Variants in ADGRL2 observed in about 807,000 individuals in gnomAD.
ADGRL2 encodes calcium-independent alpha-latrotoxin receptor 2.
ADGRL2 carries 44 observed loss-of-function variants against 157.4 expected under a neutral mutation model. The observed-to-expected ratio is 0.28, with a 90% confidence interval of 0.22 to 0.36. The LOEUF is 0.36. Among genes scored for constraint, ADGRL2 ranks in the 10% least tolerant of loss-of-function variants. The probability of loss-of-function intolerance (pLI) is 1.00; values close to 1 mark genes in which losing one functional copy is unlikely to be tolerated. For missense variants in ADGRL2, 1,510 were observed against 1,768.9 expected, an observed-to-expected ratio of 0.85 and a Z score of 2.63; for synonymous variants, 585 against 624.7, an observed-to-expected ratio of 0.94 and a Z score of 0.95.
intron 2 of ADGRL2, among the ~76,000 whole-genome samples, chr1:81,551,347 G>A (rs551667955): frequency 1.6e-4 from 24 of 152,226 alleles, no homozygotes; most frequent in African/African-American, 5.8e-4. Context: ...AGCTTTTGTC[G>A]AGTGTCACCT....
intron 6 of ADGRL2, among the ~76,000 whole-genome samples, chr1:81,948,354 C>T (rs986213786): frequency 6.6e-6 from 1 of 151,638 alleles, no homozygotes; most frequent in East Asian, 1.9e-4. Flanking sequence ...TACCTTGACT[C>T]GGTTATTATG....
chr1:81,591,821 G>A (rs2081139398), intron 3 of ADGRL2, among the ~76,000 whole-genome samples: 1 of 152,156 alleles, frequency 6.6e-6, no homozygotes, highest in Admixed American at 6.6e-5. Context: ...TTGACAAGGA[G>A]CTGAATCCTG....
At chr1:81,984,499 G>C in intron 19 of ADGRL2, 84 bp from the exon 20 acceptor site, 1 of 1,289,768 alleles carries the variant, frequency 7.8e-7, no homozygotes, top group South Asian at 2.3e-5. Flanking sequence ...AATTCTTTTC[G>C]GTTGTCTTCA....
intron 3 of ADGRL2, among the ~76,000 whole-genome samples, chr1:81,608,830 A>G (rs1261493359): frequency 1.3e-5 from 2 of 151,374 alleles, no homozygotes; most frequent in African/African-American, 4.9e-5. Context: ...CTATTCCTTC[A>G]CCCTTCCTTC....
intron 1 of ADGRL2, among the ~76,000 whole-genome samples, chr1:81,822,233 A>C (rs112405457): frequency 1.5e-5 from 2 of 134,998 alleles, no homozygotes; most frequent in Non-Finnish European, 1.5e-5. Flanking sequence ...TTTTCTACAC[A>C]TGTTTCCCGC....
chr1:81,354,206 AC>A (rs1415334164), intron 1 of ADGRL2, among the ~76,000 whole-genome samples: 4 of 152,306 alleles, frequency 2.6e-5, no homozygotes, highest in African/African-American at 7.2e-5. Context: ...AAATAACCCT[AC>A]AAGAAAACTA....
chr1:81,365,225 G>A (rs1456021900), intron 1 of ADGRL2, among the ~76,000 whole-genome samples: 2 of 152,176 alleles, frequency 1.3e-5, no homozygotes, highest in Non-Finnish European at 2.9e-5. Context: ...AGGGAGGCTA[G>A]AAGTCAGGAA....
chr1:81,966,253 A>G, intron 12 of ADGRL2, 70 bp downstream of exon 12: 1 of 1,595,382 alleles, frequency 6.3e-7, no homozygotes, highest in South Asian at 1.1e-5. Context: ...TCTAAAATGT[A>G]TTTGAGTCCT....
At chr1:81,471,313 C>A (rs1175322089) in intron 2 of ADGRL2, among the ~76,000 whole-genome samples, 1 of 152,072 alleles carries the variant, frequency 6.6e-6, no homozygotes, top group Admixed American at 6.5e-5. Flanking sequence ...CTTGTCAATA[C>A]CTTAGCATTA....
chr1:81,651,130 G>GT (rs1031589132), intron 3 of ADGRL2, among the ~76,000 whole-genome samples: 8 of 152,212 alleles, frequency 5.3e-5, no homozygotes, highest in East Asian at 3.9e-4. Context: ...ATTTTGTAGT[G>GT]TTTTTTTAGC....
chr1:81,505,550 C>T lies in ADGRL2; in HGVS notation c.-248+60461C>T, dbSNP rs374441451. Reference sequence around the variant, plus strand: ...ACAACAGCAGGGTGTCACCCAGAGCCGGATGAGGGATGCCAGCAGGTGCCC... The same window carrying T: ...ACAACAGCAGGGTGTCACCCAGAGCTGGATGAGGGATGCCAGCAGGTGCCC... On this transcript the variant is annotated intron_variant, in intron 2 of 24. Transcript: ENST00000370721. Among the ~76,000 whole-genome samples, 1,379 of 150,512 alleles carry T rather than the reference C, an allele frequency of 9.2e-3. 31 individuals carry two copies. The highest frequency in any genetic ancestry group is 0.033 in the African/African-American group (1,313 of 40,248).
At chr1:81,911,471 A>ACT (rs1270061916) in intron 3 of ADGRL2, among the ~76,000 whole-genome samples, 5 of 152,156 alleles carry the variant, frequency 3.3e-5, no homozygotes, top group Non-Finnish European at 7.4e-5. Flanking sequence ...TTGGGTACAA[A>ACT]CTAGTAGGTG....
chr1:81,795,571 C>T (rs1056785866), upstream of ADGRL2, among the ~76,000 whole-genome samples: 1 of 152,210 alleles, frequency 6.6e-6, no homozygotes, highest in Non-Finnish European at 1.5e-5. Flanking sequence ...GTATATTTGA[C>T]TCACTTTCTA....
At chr1:81,555,265 CTTT>C (rs71666308) in intron 2 of ADGRL2, among the ~76,000 whole-genome samples, 1 of 115,936 alleles carries the variant, frequency 8.6e-6, no homozygotes, top group Non-Finnish European at 1.8e-5. Context: ...TATTTCTTTT[CTTT>C]TTTTTTTTTT....
At position 81,966,456 on chromosome 1, in the gene ADGRL2, T is replaced by C. The variant is rs758071359; in HGVS notation, c.2196T>C (p.Ser732=). 2.0e-5 allele frequency: 33 copies of C among 1,614,144 alleles called. No homozygotes were observed. In the South Asian group the frequency reaches 3.1e-4, roughly 15 times the overall value. Residue 732 remains serine, a synonymous_variant, in exon 13 of 24, where the codon AGT becomes AGC. Coordinates refer to ENST00000686636, the MANE Select transcript of ADGRL2 (RefSeq NM_001366006.2). ...IIYRSLGQFL[S]TENATIKLGA... is the part of the protein sequence containing the mutation. Reference sequence around the variant, plus strand: ...ACCGGAGCCTGGGACAGTTCCTTAGTACAGAAAATGCAACCATTAAACTGG... The same window carrying C: ...ACCGGAGCCTGGGACAGTTCCTTAGCACAGAAAATGCAACCATTAAACTGG...
intron 3 of ADGRL2, among the ~76,000 whole-genome samples, chr1:81,922,851 A>G (rs1282535541): frequency 6.6e-6 from 1 of 152,200 alleles, no homozygotes; most frequent in Non-Finnish European, 1.5e-5. Context: ...CCCCATCTCT[A>G]TAATAAATAA....
intron 3 of ADGRL2, among the ~76,000 whole-genome samples, chr1:81,594,575 T>C (rs1326960587): frequency 6.6e-6 from 1 of 152,246 alleles, no homozygotes; most frequent in Non-Finnish European, 1.5e-5. Flanking sequence ...TAAAAACATT[T>C]ATTCCATTCC....
chr1:81,676,064 C>T (rs531537425), intron 3 of ADGRL2, among the ~76,000 whole-genome samples: 3 of 152,148 alleles, frequency 2.0e-5, no homozygotes, highest in African/African-American at 2.4e-5. Flanking sequence ...TGCAATGGCA[C>T]GATCTCAGCT....
intron 3 of ADGRL2, among the ~76,000 whole-genome samples, chr1:81,604,947 T>C (rs1330395791): frequency 6.6e-6 from 1 of 152,272 alleles, no homozygotes; most frequent in Non-Finnish European, 1.5e-5. Context: ...TTTACCACCA[T>C]TGGTTTTTCT....
Sources: gnomAD v4.1 joint callset for allele counts (sites outside exome capture counted in the v4.1 genomes callset) on GRCh38, gnomAD v4.1.1 for gene constraint, MANE v1.5 for transcripts, NCBI Gene and HGNC (gene_info 2026-07-23, HGNC 2026-07-21) for gene names.